Variants in NRG1 observed in about 807,000 individuals in gnomAD.
NRG1 encodes the protein pro-neuregulin-1, membrane-bound isoform.
NRG1 carries 18 observed loss-of-function variants against 63.8 expected under a neutral mutation model. The ratio of observed to expected loss-of-function variants is 0.28; its 90% CI spans 0.19 to 0.42. NRG1 has a LOEUF of 0.42. Ranked by LOEUF, NRG1 falls within the 10% of genes least tolerant of loss-of-function variation. The pLI, the probability that NRG1 is intolerant of heterozygous loss-of-function variation, is 1.00. For missense variants in NRG1, 762 were observed against 814.7 expected (o/e 0.94, Z 0.79); for synonymous variants, 302 against 301.3 (o/e 1.00, Z -0.02).
chr8:32,071,616 G>A (rs563089354), intron 1 of NRG1, among the ~76,000 whole-genome samples: 2 of 152,282 alleles, frequency 1.3e-5, no homozygotes, highest in Admixed American at 6.5e-5. Context: ...CAATATGACC[G>A]TGGAAATGTG....
chr8:32,065,712 T>G (rs4487712), intron 1 of NRG1, among the ~76,000 whole-genome samples: 148,471 of 152,080 alleles, frequency 0.98, 72,574 homozygotes, highest in East Asian at 1. Flanking sequence ...GTAATGGGAT[T>G]GCTGGGTCAA....
intron 1 of NRG1, among the ~76,000 whole-genome samples, chr8:32,585,372 G>A (rs118129143): frequency 0.018 from 2,771 of 152,274 alleles, 40 homozygotes; most frequent in Middle Eastern, 0.058. Flanking sequence ...AGAGTGAGAT[G>A]TTCTTATAAT....
intron 1 of NRG1, among the ~76,000 whole-genome samples, chr8:31,946,436 CT>C (rs1213040255): frequency 1.3e-5 from 2 of 152,162 alleles, no homozygotes; most frequent in African/African-American, 4.8e-5. Context: ...TAACAGTGAA[CT>C]TTCTATCCAA....
chr8:32,439,742 T>C (rs17642563), intron 1 of NRG1, among the ~76,000 whole-genome samples: 26,962 of 150,886 alleles, frequency 0.18, 2,600 homozygotes, highest in Non-Finnish European at 0.2. Flanking sequence ...GCAAAAATTA[T>C]AATTAACTAC....
chr8:32,365,268 G>T (rs1278038400), intron 1 of NRG1, among the ~76,000 whole-genome samples: 2 of 151,868 alleles, frequency 1.3e-5, no homozygotes, highest in Non-Finnish European at 2.9e-5. Context: ...TTAATTAGAG[G>T]GATTTCTTTT....
chr8:32,498,351 T>C (rs1431629851), intron 1 of NRG1, among the ~76,000 whole-genome samples: 1 of 152,144 alleles, frequency 6.6e-6, no homozygotes, highest in Non-Finnish European at 1.5e-5. Context: ...CAAGACTGGG[T>C]AATTTATAAA....
At chr8:32,285,872 A>C (rs1853461528) in intron 1 of NRG1, among the ~76,000 whole-genome samples, 1 of 152,178 alleles carries the variant, frequency 6.6e-6, no homozygotes, top group Admixed American at 6.5e-5. Flanking sequence ...AGTTCAATGA[A>C]GTGAAAAAAA....
At chr8:32,484,674 A>G (rs1371522030) in intron 1 of NRG1, among the ~76,000 whole-genome samples, 1 of 152,048 alleles carries the variant, frequency 6.6e-6, no homozygotes, top group African/African-American at 2.4e-5. Flanking sequence ...GCCAATAAAT[A>G]CGTTCTCAGC....
At chr8:32,177,418 T>G (rs1168511971) in intron 1 of NRG1, among the ~76,000 whole-genome samples, 2 of 152,078 alleles carry the variant, frequency 1.3e-5, no homozygotes, top group African/African-American at 4.8e-5. Context: ...ACATGGCACA[T>G]GTATACATAT....
chr8:32,506,969 C>A (rs928622619), intron 1 of NRG1, among the ~76,000 whole-genome samples: 1 of 152,122 alleles, frequency 6.6e-6, no homozygotes, highest in African/African-American at 2.4e-5. Context: ...ACCCTCAACC[C>A]ATTTAGCCAT....
chr8:32,610,248 G>C (rs914680094), intron 3 of NRG1, among the ~76,000 whole-genome samples: 1 of 152,080 alleles, frequency 6.6e-6, no homozygotes, highest in Non-Finnish European at 1.5e-5. Flanking sequence ...CCTATGCAGA[G>C]GATTCCTTGT....
chr8:32,437,885 G>A (rs1190727279), intron 1 of NRG1, among the ~76,000 whole-genome samples: 1 of 152,106 alleles, frequency 6.6e-6, no homozygotes, highest in Non-Finnish European at 1.5e-5. Flanking sequence ...ACTTTTGATA[G>A]TTAATATATT....
intron 7 of NRG1, among the ~76,000 whole-genome samples, chr8:32,750,310 TAAAAG>T (rs1284680108): frequency 1.3e-5 from 2 of 152,122 alleles, no homozygotes; most frequent in Non-Finnish European, 2.9e-5. Flanking sequence ...ACTGTCAAAG[TAAAAG>T]AAAAATATAT....
chr8:32,661,903 A>G (rs1345541481), intron 5 of NRG1, among the ~76,000 whole-genome samples: 3 of 152,212 alleles, frequency 2.0e-5, no homozygotes, highest in African/African-American at 4.8e-5. Context: ...GTACAAACAT[A>G]CAGTCTGATA....
chr8:32,753,365 T>C (rs1829083108), intron 7 of NRG1, among the ~76,000 whole-genome samples: 1 of 152,178 alleles, frequency 6.6e-6, no homozygotes. Flanking sequence ...CCAAAGAAAC[T>C]AACTCGCAAA....
rs992979655 is a variant in NRG1, at chr8:32,750,347, A to G, written c.692-4025A>G. Among the ~76,000 whole-genome samples, 10 of 152,170 alleles carry G rather than the reference A, an allele frequency of 6.6e-5. No individual in the cohort carries two copies. In the East Asian group the frequency reaches 1.9e-3, roughly 29 times the overall value. ...ATATGAGTATACAAAATTTGGACAC[A>G]CTTTTTTGTAAGGCCTTCATCCTAC... is the stretch of plus-strand genomic sequence containing the variant. On this transcript the variant is annotated intron_variant, in intron 7 of 11. Transcript: ENST00000356819.
At chr8:32,392,037 A>G (rs1811837045) in intron 1 of NRG1, among the ~76,000 whole-genome samples, 2 of 152,218 alleles carry the variant, frequency 1.3e-5, no homozygotes, top group African/African-American at 4.8e-5. Flanking sequence ...ACTTAATGCC[A>G]CAAGTTACTC....
At chr8:32,127,998 T>C (rs1216246151) in intron 1 of NRG1, among the ~76,000 whole-genome samples, 1 of 151,956 alleles carries the variant, frequency 6.6e-6, no homozygotes, top group Non-Finnish European at 1.5e-5. Flanking sequence ...ATGGCTCATC[T>C]AATAAAGTAC....
chr8:32,354,681 G>T (rs1321145032), intron 1 of NRG1, among the ~76,000 whole-genome samples: 1 of 150,086 alleles, frequency 6.7e-6, no homozygotes, highest in African/African-American at 2.5e-5. Flanking sequence ...TTAAGGCCAG[G>T]AGTTTGAGAC....
Sources: allele counts gnomAD v4.1 joint callset (sites outside exome capture counted in the v4.1 genomes callset), GRCh38; gene constraint gnomAD v4.1.1; transcripts MANE v1.5; gene names NCBI Gene and HGNC (gene_info 2026-07-23, HGNC 2026-07-21).